Variants in DEPDC5 observed in about 807,000 individuals in gnomAD.
DEPDC5 encodes GATOR1 complex protein DEPDC5.
Under a neutral mutation model 217.3 loss-of-function variants are expected in DEPDC5, and 73 were observed. The ratio of observed to expected loss-of-function variants is 0.34; its 90% CI spans 0.28 to 0.41. The LOEUF (loss-of-function observed/expected upper bound fraction) is 0.41, where lower values mean the gene tolerates loss of function less well. DEPDC5 is among the 10% of genes least tolerant of loss of function. The pLI, the probability that DEPDC5 is intolerant of heterozygous loss-of-function variation, is 1.00. For synonymous variants in DEPDC5, 733 were observed against 756.7 expected, an observed-to-expected ratio of 0.97 and a Z score of 0.51; for missense variants, 1,675 against 2,070.1, an observed-to-expected ratio of 0.81 and a Z score of 3.70.
At chr22:31,755,679 G>C (rs1185201502) in intron 2 of DEPDC5, among the ~76,000 whole-genome samples, 1 of 151,520 alleles carries the variant, frequency 6.6e-6, no homozygotes, top group African/African-American at 2.4e-5. Context: ...CTAATAGTTG[G>C]GATTACAGGC....
intron 6 of DEPDC5, among the ~76,000 whole-genome samples, chr22:31,767,756 AT>A (rs981171042): frequency 8.2e-5 from 12 of 147,062 alleles, no homozygotes; most frequent in Non-Finnish European, 1.6e-4. Flanking sequence ...TCATTTGTTT[AT>A]TTTTTTTGAG....
At chr22:31,847,641 T>C (rs951861770) in intron 31 of DEPDC5, among the ~76,000 whole-genome samples, 1 of 152,160 alleles carries the variant, frequency 6.6e-6, no homozygotes, top group Admixed American at 6.5e-5. Flanking sequence ...TGGAGGTAAC[T>C]GCCCCCATGA....
chr22:31,861,298 C>A, intron 32 of DEPDC5, 70 bp from the exon 33 acceptor site: 1 of 1,414,658 alleles, frequency 7.1e-7, no homozygotes, highest in Non-Finnish European at 9.7e-7. Context: ...GATGGTTAAC[C>A]ACTGGTACAC....
intron 31 of DEPDC5, among the ~76,000 whole-genome samples, chr22:31,848,999 T>C (rs1236688410): frequency 6.6e-6 from 1 of 152,208 alleles, no homozygotes; most frequent in African/African-American, 2.4e-5. Context: ...CATCTCCATC[T>C]GAGACCACTT....
intron 10 of DEPDC5, among the ~76,000 whole-genome samples, chr22:31,788,486 C>T (rs1792238070): frequency 6.6e-6 from 1 of 151,178 alleles, no homozygotes; most frequent in African/African-American, 2.4e-5. Flanking sequence ...CTATGTTATC[C>T]AGGCTGATCT....
chr22:31,843,722 G>C lies in DEPDC5; in HGVS notation c.2711G>C (p.Cys904Ser). ...CACTCAGACTCAGAGTTCGTCTCCT[G>C]CTGGGTGGAATTCTCCCACGAACGG... is the stretch of plus-strand genomic sequence containing the variant. ...PSHSDSEFVS[C>S]WVEFSHERLE... Residue 904 changes from cysteine (C) to serine (S), a missense_variant, in exon 29 of 43, where the codon TGC becomes TCC. By Grantham distance (112) the Cys-to-Ser change is moderately radical. Coordinates refer to ENST00000651528, the MANE Select transcript of DEPDC5 (RefSeq NM_001242896.3). 1 of 1,613,988 alleles carries C rather than the reference G, an allele frequency of 6.2e-7. No individual in the cohort carries two copies. The highest frequency in any genetic ancestry group is 8.5e-7 in the Non-Finnish European group (1 of 1,179,960).
At chr22:31,875,396 C>A (rs997807368) in intron 36 of DEPDC5, 1 of 154,288 alleles carries the variant, frequency 6.5e-6, no homozygotes, top group Non-Finnish European at 1.5e-5. Flanking sequence ...TAATATTATG[C>A]CCTTTATTTA....
chr22:31,901,198 G>A (rs898434688), intron 40 of DEPDC5, among the ~76,000 whole-genome samples: 3 of 149,218 alleles, frequency 2.0e-5, no homozygotes, highest in South Asian at 2.1e-4. Flanking sequence ...AGCCAAGATC[G>A]CACCACTGCA....
intron 38 of DEPDC5, among the ~76,000 whole-genome samples, chr22:31,888,471 CAA>C (rs2093367128): frequency 6.6e-6 from 1 of 151,858 alleles, no homozygotes; most frequent in African/African-American, 2.4e-5. Context: ...AGGCTGGTCT[CAA>C]ACTCATGACC....
chr22:31,886,474 T>A (rs540286150), intron 38 of DEPDC5, among the ~76,000 whole-genome samples: 17 of 152,024 alleles, frequency 1.1e-4, no homozygotes, highest in Non-Finnish European at 2.4e-4. Context: ...AAAAGCAGTG[T>A]ATAGGCCAGG....
chr22:31,800,441 T>C (rs1248556958), intron 14 of DEPDC5, among the ~76,000 whole-genome samples: 1 of 152,074 alleles, frequency 6.6e-6, no homozygotes, highest in East Asian at 1.9e-4. Context: ...TAGCTTCTCA[T>C]TGGATGGTTG....
chr22:31,843,852 G>A lies in DEPDC5; in HGVS notation c.2801+40G>A, dbSNP rs373250682. 19 of 1,561,004 alleles carry A rather than the reference G, an allele frequency of 1.2e-5. No individual in the cohort carries two copies. In the African/African-American group the frequency reaches 2.3e-4, roughly 19 times the overall value. Reference sequence around the variant, plus strand: ...TTTGGATTTCCATCTTTGCATCCTTGGGCAAGGATGTGTATGTGTATTTTA... The same window carrying A: ...TTTGGATTTCCATCTTTGCATCCTTAGGCAAGGATGTGTATGTGTATTTTA... On this transcript the variant is annotated intron_variant, in intron 29 of 42. Transcript: ENST00000651528.
rs1226909374 is a variant in DEPDC5, at chr22:31,856,155, G to GCGCGCACACACACACACACA, written c.3156-1289_3156-1288insGCGCACACACACACACACAC. On this transcript the variant is annotated intron_variant, in intron 31 of 42. Coordinates refer to ENST00000651528, the MANE Select transcript of DEPDC5 (RefSeq NM_001242896.3). ...GAGATGTGCTGAGTTGGGCCAACGC[G>GCGCGCACACACACACACACA]CACACACACACACACACACACACAC... 3.6e-5 allele frequency among the ~76,000 whole-genome samples: 5 copies of GCGCGCACACACACACACACA among 140,570 alleles called. 1 individual carries two copies. Among genetic ancestry groups the GCGCGCACACACACACACACA allele is most frequent in the African/African-American group, 1.3e-4 (5 of 37,656 alleles). The allele number at this position is 140,570 out of a possible 152,430, so 92.2% of individuals were successfully genotyped here.
At chr22:31,826,668 T>C (rs2090170766) in intron 24 of DEPDC5, among the ~76,000 whole-genome samples, 2 of 152,200 alleles carry the variant, frequency 1.3e-5, no homozygotes, top group Admixed American at 1.3e-4. Flanking sequence ...TCCGTATGCA[T>C]AACCCAATTG....
At chr22:31,798,436 T>A (rs2086500698) in intron 13 of DEPDC5, 146 bp from the exon 14 acceptor site, 3 of 515,884 alleles carry the variant, frequency 5.8e-6, no homozygotes, top group Non-Finnish European at 1.0e-5. Context: ...GAGAATCACT[T>A]GAACCTGGGA....
intron 23 of DEPDC5, among the ~76,000 whole-genome samples, chr22:31,821,949 T>G (rs896675818): frequency 1.8e-4 from 28 of 152,286 alleles, no homozygotes; most frequent in African/African-American, 6.7e-4. Flanking sequence ...GAGAGGAAAT[T>G]CTTTGGATTT....
intron 6 of DEPDC5, among the ~76,000 whole-genome samples, chr22:31,767,795 G>A (rs1601659858): frequency 6.6e-6 from 1 of 151,620 alleles, no homozygotes; most frequent in Admixed American, 6.6e-5. Context: ...CACCCAGGCT[G>A]GAGTGCAGTG....
chr22:31,836,101 G>A (rs2090975299), intron 25 of DEPDC5, among the ~76,000 whole-genome samples: 1 of 152,218 alleles, frequency 6.6e-6, no homozygotes, highest in Non-Finnish European at 1.5e-5. Context: ...TTTTAACTCA[G>A]TGAAGCTCAA....
chr22:31,820,401 C>T (rs888662486), intron 22 of DEPDC5, among the ~76,000 whole-genome samples: 1 of 152,150 alleles, frequency 6.6e-6, no homozygotes, highest in Non-Finnish European at 1.5e-5. Context: ...CGTGAGTCAC[C>T]GTGCCTGGCC....
Sources: gnomAD v4.1 joint callset for allele counts (sites outside exome capture counted in the v4.1 genomes callset) on GRCh38, gnomAD v4.1.1 for gene constraint, MANE v1.5 for transcripts, NCBI Gene and HGNC (gene_info 2026-07-23, HGNC 2026-07-21) for gene names.